GLI2: variants seen among roughly 807,000 people sequenced by gnomAD.
The protein encoded by GLI2 is GLI family zinc finger 2.
Under a neutral mutation model 78.9 loss-of-function variants are expected in GLI2, and 22 were observed. The ratio of observed to expected loss-of-function variants is 0.28; its 90% CI spans 0.20 to 0.40. The LOEUF is 0.40. Ranked by LOEUF, GLI2 falls within the 10% of genes least tolerant of loss-of-function variation. The pLI, the probability that GLI2 is intolerant of heterozygous loss-of-function variation, is 1.00. For synonymous variants in GLI2, 974 were observed against 963.7 expected (o/e 1.01, Z -0.20); for missense variants, 2,097 against 2,213.2 (o/e 0.95, Z 1.05).
intron 1 of GLI2, among the ~76,000 whole-genome samples, chr2:120,775,757 C>CA (rs1027656907): frequency 6.6e-6 from 1 of 152,194 alleles, no homozygotes; most frequent in Non-Finnish European, 1.5e-5. Context: ...TGAGGGTGGG[C>CA]ATGCTGTCAG....
rs1026161479 is a variant in GLI2 at position 120,958,877 on chromosome 2, G to A, written c.643+3447G>A. Among the ~76,000 whole-genome samples, 13 of 152,216 alleles carry A rather than the reference G, an allele frequency of 8.5e-5. 1 individual carries two copies. The highest frequency in any genetic ancestry group is 6.3e-3 in the Middle Eastern group (2 of 316). ...GGAACTGGCTGGGACTTCTCCTTAC[G>A]TATGGCCGATGGCCCGCCCTGTCAG... On this transcript the variant is annotated intron_variant, in intron 5 of 13. Coordinates refer to ENST00000361492, the MANE Select transcript of GLI2 (RefSeq NM_001374353.1).
chr2:120,901,576 C>G (rs1482516859), intron 2 of GLI2, among the ~76,000 whole-genome samples: 1 of 152,296 alleles, frequency 6.6e-6, no homozygotes, highest in South Asian at 2.1e-4. Flanking sequence ...TCATAGACCA[C>G]TAGGAGAAAG....
At chr2:120,739,274 C>T (rs1682457160) in intron 1 of GLI2, among the ~76,000 whole-genome samples, 1 of 152,102 alleles carries the variant, frequency 6.6e-6, no homozygotes, top group Non-Finnish European at 1.5e-5. Context: ...CCATTGTCCC[C>T]CACCCCTGCC....
chr2:120,766,953 G>C (rs566141161), intron 1 of GLI2, among the ~76,000 whole-genome samples: 1 of 152,298 alleles, frequency 6.6e-6, no homozygotes, highest in South Asian at 2.1e-4. Flanking sequence ...CTGGAGAGAG[G>C]CTGGGGAAAC....
Position 120,989,787 on chromosome 2 carries a change from C to T in GLI2, c.3822C>T (p.Asp1274=), listed in dbSNP as rs1328711807. The change falls in exon 14 of 14, where the codon GAC becomes GAT. Residue 1274 remains aspartate (D), a synonymous_variant. Coordinates refer to ENST00000361492, the MANE Select transcript of GLI2 (RefSeq NM_001374353.1). Reference sequence around the variant, plus strand: ...CTCAGCAGACAGAAGTGGCACCTGACCCCACCACGATGGGCAATCGCCACA... The same window carrying T: ...CTCAGCAGACAGAAGTGGCACCTGATCCCACCACGATGGGCAATCGCCACA... ...GHPQQTEVAP[D]PTTMGNRHRE... is the part of the protein sequence containing the mutation. 1.9e-6 allele frequency: 3 copies of T among 1,610,816 alleles called. No individual in the cohort carries two copies. The highest frequency in any genetic ancestry group is 2.5e-6 in the Non-Finnish European group (3 of 1,178,482).
At chr2:120,928,584 GAAGGCACAT>G (rs1679804711) in intron 3 of GLI2, among the ~76,000 whole-genome samples, 1 of 152,142 alleles carries the variant, frequency 6.6e-6, no homozygotes, top group Non-Finnish European at 1.5e-5. Flanking sequence ...CGCCACCTAT[GAAGGCACAT>G]CCTCCTTCCT....
chr2:120,852,602 G>A lies in GLI2; in HGVS notation c.148+55134G>A, dbSNP rs539158731. On this transcript the variant is annotated intron_variant, in intron 2 of 13. Coordinates refer to ENST00000361492, the MANE Select transcript of GLI2 (RefSeq NM_001374353.1). ...GTAAACACAGACAGGGGAGGTAGCT[G>A]TTTATGTGGTTGGTTTGAGGAAGGC... Among the ~76,000 whole-genome samples, 5 of 152,294 alleles carry A rather than the reference G, an allele frequency of 3.3e-5. No individual in the cohort carries two copies. In the East Asian group the frequency reaches 9.6e-4, roughly 29 times the overall value.
intron 2 of GLI2, among the ~76,000 whole-genome samples, chr2:120,865,789 T>G (rs1688101251): frequency 6.6e-6 from 1 of 152,222 alleles, no homozygotes; most frequent in African/African-American, 2.4e-5. Flanking sequence ...GGTGCTCAGA[T>G]AGTGCCAGCC....
At chr2:120,942,267 C>T (rs1680483095) in intron 3 of GLI2, among the ~76,000 whole-genome samples, 1 of 152,186 alleles carries the variant, frequency 6.6e-6, no homozygotes, top group East Asian at 1.9e-4. Flanking sequence ...AGTCCAAAAT[C>T]AGTATCACTG....
intron 2 of GLI2, among the ~76,000 whole-genome samples, chr2:120,891,699 GC>G (rs1677690002): frequency 6.6e-6 from 1 of 152,270 alleles, no homozygotes; most frequent in East Asian, 1.9e-4. Flanking sequence ...TATGCTCCTG[GC>G]TCCAGTAGAG....
chr2:120,815,603 G>C (rs1177871180), intron 2 of GLI2, among the ~76,000 whole-genome samples: 1 of 152,188 alleles, frequency 6.6e-6, no homozygotes, highest in Non-Finnish European at 1.5e-5. Flanking sequence ...CTCTGTGCCT[G>C]CGCACCTCTG....
chr2:120,813,058 G>T (rs1162238588), intron 2 of GLI2, among the ~76,000 whole-genome samples: 1 of 152,198 alleles, frequency 6.6e-6, no homozygotes, highest in South Asian at 2.1e-4. Flanking sequence ...AAAGGGTCCC[G>T]AAGAATTTTC....
chr2:120,809,370 A>C (rs951473267), intron 2 of GLI2, among the ~76,000 whole-genome samples: 2 of 152,072 alleles, frequency 1.3e-5, no homozygotes, highest in Non-Finnish European at 2.9e-5. Flanking sequence ...AGAAGAGGGA[A>C]TGGGGAATGA....
chr2:120,810,399 T>C (rs1203978145), intron 2 of GLI2, among the ~76,000 whole-genome samples: 1 of 152,194 alleles, frequency 6.6e-6, no homozygotes, highest in Non-Finnish European at 1.5e-5. Context: ...TGGTGTGGGC[T>C]GGGGCTGTCT....
At chr2:120,807,490 G>A (rs993745904) in intron 2 of GLI2, among the ~76,000 whole-genome samples, 1 of 152,198 alleles carries the variant, frequency 6.6e-6, no homozygotes, top group African/African-American at 2.4e-5. Flanking sequence ...TAGCGCATAC[G>A]TTCCTTAAAA....
chr2:120,804,485 C>T (rs1033891412), intron 2 of GLI2, among the ~76,000 whole-genome samples: 3 of 152,208 alleles, frequency 2.0e-5, no homozygotes, highest in Non-Finnish European at 4.4e-5. Context: ...TGGTCTTTGG[C>T]CCCCCTGCCA....
chr2:120,779,109 G>T (rs111903112), intron 1 of GLI2, among the ~76,000 whole-genome samples: 2 of 152,202 alleles, frequency 1.3e-5, no homozygotes, highest in African/African-American at 4.8e-5. Context: ...GGTAATATCC[G>T]CTGTGCACTG....
intron 1 of GLI2, among the ~76,000 whole-genome samples, chr2:120,794,567 G>T (rs1684296734): frequency 6.6e-6 from 1 of 152,156 alleles, no homozygotes; most frequent in South Asian, 2.1e-4. Flanking sequence ...GGGAGAGGCA[G>T]TGCTGGTGAG....
rs201509117 is a variant in GLI2, at chr2:120,964,710, C to CA, written c.644-4003dup. Among the ~76,000 whole-genome samples, 1,201 of 152,336 alleles carry CA rather than the reference C, an allele frequency of 7.9e-3. 12 individuals are homozygous for CA. Among genetic ancestry groups the CA allele is most frequent in the South Asian group, 0.031 (151 of 4,832 alleles). ...GCTGTGCCAAACTGGAGCTGCCTTG[C>CA]AGACAGGAGGAGAGGACGAGGAGGC... On this transcript the variant is annotated intron_variant, in intron 5 of 13. Transcript: ENST00000361492.
Sources: allele counts gnomAD v4.1 joint callset (sites outside exome capture counted in the v4.1 genomes callset), GRCh38; gene constraint gnomAD v4.1.1; transcripts MANE v1.5; gene names NCBI Gene and HGNC (gene_info 2026-07-23, HGNC 2026-07-21).